Variants in ROBO2 observed in about 807,000 individuals in gnomAD.
ROBO2 encodes roundabout guidance receptor 2.
Under a neutral mutation model 160.8 loss-of-function variants are expected in ROBO2, and 53 were observed. The ratio of observed to expected loss-of-function variants is 0.33; its 90% confidence interval spans 0.26 to 0.41. The LOEUF (loss-of-function observed/expected upper bound fraction) is 0.41, where lower values mean the gene tolerates loss of function less well. ROBO2 is among the 10% of genes least tolerant of loss of function. The pLI is 1.00. For missense variants in ROBO2, 1,577 were observed against 1,722.4 expected (o/e 0.92, Z 1.49); for synonymous variants, 664 against 611.7 (o/e 1.09, Z -1.26).
rs540825837 is a variant in ROBO2, at chr3:77,094,325, C to T, written c.62-3689C>T. ...TATGTTGTAGCATGTATTATTAATA[C>T]TTCATTTTTAAGGCTGAATAATATT... On this transcript the variant is annotated intron_variant, in intron 1 of 25. Transcript: ENST00000461745. 3.9e-5 allele frequency among the ~76,000 whole-genome samples: 6 copies of T among 152,282 alleles called. No individual in the cohort carries two copies. In the South Asian group the frequency reaches 1.2e-3, roughly 32 times the overall value.
intron 2 of ROBO2, among the ~76,000 whole-genome samples, chr3:76,847,970 C>T (rs2068936618): frequency 6.6e-6 from 1 of 151,600 alleles, no homozygotes; most frequent in South Asian, 2.1e-4. Context: ...AATTAAAAAC[C>T]TTTGGGTGAT....
At chr3:76,537,694 A>G (rs1481589761) in intron 2 of ROBO2, among the ~76,000 whole-genome samples, 1 of 152,088 alleles carries the variant, frequency 6.6e-6, no homozygotes, top group Non-Finnish European at 1.5e-5. Flanking sequence ...TCATGTTTGT[A>G]TAGAAGACCA....
intron 1 of ROBO2, among the ~76,000 whole-genome samples, chr3:77,090,651 G>C (rs1166708637): frequency 6.6e-6 from 1 of 151,932 alleles, no homozygotes; most frequent in Non-Finnish European, 1.5e-5. Flanking sequence ...ACAGCGCCCG[G>C]CCTAAACCAC....
At chr3:76,642,890 G>T (rs1179689369) in intron 2 of ROBO2, among the ~76,000 whole-genome samples, 2 of 152,072 alleles carry the variant, frequency 1.3e-5, no homozygotes, top group Non-Finnish European at 2.9e-5. Context: ...AGACTTTTAT[G>T]CTTCATTACT....
intron 2 of ROBO2, among the ~76,000 whole-genome samples, chr3:77,324,653 G>A (rs571401621): frequency 8.2e-6 from 1 of 121,486 alleles, no homozygotes; most frequent in African/African-American, 4.0e-5. Flanking sequence ...AGTGGTGAGC[G>A]CCTGTAGTCC....
At chr3:77,154,464 G>A (rs1229870654) in intron 2 of ROBO2, among the ~76,000 whole-genome samples, 3 of 152,042 alleles carry the variant, frequency 2.0e-5, no homozygotes, top group East Asian at 3.9e-4. Context: ...TGGTTTTGGA[G>A]GTTTTTCAAA....
chr3:77,110,278 A>T (rs760630182), intron 2 of ROBO2, among the ~76,000 whole-genome samples: 8 of 152,276 alleles, frequency 5.3e-5, no homozygotes, highest in Non-Finnish European at 8.8e-5. Flanking sequence ...AAGAAATATG[A>T]TAATAGCAAT....
chr3:77,498,230 G>T (rs2087060451), intron 5 of ROBO2, among the ~76,000 whole-genome samples: 1 of 151,932 alleles, frequency 6.6e-6, no homozygotes, highest in South Asian at 2.1e-4. Context: ...GTGACACTAA[G>T]TTCCTCAATA....
At chr3:76,218,276 C>A (rs1415914077) in intron 2 of ROBO2, among the ~76,000 whole-genome samples, 1 of 152,140 alleles carries the variant, frequency 6.6e-6, no homozygotes, top group Non-Finnish European at 1.5e-5. Flanking sequence ...CCTCTCTCAC[C>A]ACTCCTATTC....
chr3:76,722,306 G>A (rs998759752), intron 2 of ROBO2, among the ~76,000 whole-genome samples: 1 of 152,080 alleles, frequency 6.6e-6, no homozygotes, highest in African/African-American at 2.4e-5. Context: ...ATTTTTAGTA[G>A]AGACAGGGTT....
chr3:76,553,619 C>T (rs555263515), intron 2 of ROBO2, among the ~76,000 whole-genome samples: 77 of 152,202 alleles, frequency 5.1e-4, no homozygotes, highest in African/African-American at 1.8e-3. Context: ...CACTATGGAT[C>T]CTGGAACATT....
At chr3:76,630,129 A>G (rs2089934522) in intron 2 of ROBO2, among the ~76,000 whole-genome samples, 1 of 152,204 alleles carries the variant, frequency 6.6e-6, no homozygotes, top group East Asian at 1.9e-4. Context: ...GAGAGAAAAC[A>G]TTGATTACTG....
At chr3:77,124,493 A>C (rs1369297368) in intron 2 of ROBO2, among the ~76,000 whole-genome samples, 1 of 152,178 alleles carries the variant, frequency 6.6e-6, no homozygotes, top group Non-Finnish European at 1.5e-5. Flanking sequence ...TTCGAAGACC[A>C]TCCAGGAGTC....
Position 76,888,231 on chromosome 3 carries a change from A to G in ROBO2, c.110-209783A>G, listed in dbSNP as rs555767203. 3.9e-5 allele frequency among the ~76,000 whole-genome samples: 6 copies of G among 152,116 alleles called. No individual in the cohort carries two copies. In the East Asian group the frequency reaches 1.2e-3, roughly 30 times the overall value. ...AAAAATATAAAGATTAGCCAGGTGT[A>G]GTGGTGCACGCCTGTAATCCCAGCT... On this transcript the variant is annotated intron_variant, in intron 2 of 26. Coordinates refer to the ROBO2 transcript ENST00000487694.
intron 2 of ROBO2, among the ~76,000 whole-genome samples, chr3:76,243,376 G>A (rs900776169): frequency 6.6e-6 from 1 of 152,202 alleles, no homozygotes; most frequent in Non-Finnish European, 1.5e-5. Flanking sequence ...AGGGGAGGGG[G>A]CAGTAAGGTC....
At chr3:76,788,849 A>C (rs1001841518) in intron 2 of ROBO2, among the ~76,000 whole-genome samples, 1 of 151,590 alleles carries the variant, frequency 6.6e-6, no homozygotes, top group South Asian at 2.1e-4. Flanking sequence ...ATACTAAGAG[A>C]AAGTTTAACA....
chr3:76,262,224 T>C (rs1004639761), intron 2 of ROBO2, among the ~76,000 whole-genome samples: 1 of 152,106 alleles, frequency 6.6e-6, no homozygotes, highest in Non-Finnish European at 1.5e-5. Flanking sequence ...TAATACTTAT[T>C]AAATATTATA....
At chr3:77,370,305 A>C (rs184426071) in intron 2 of ROBO2, among the ~76,000 whole-genome samples, 1 of 152,308 alleles carries the variant, frequency 6.6e-6, no homozygotes, top group African/African-American at 2.4e-5. Context: ...CGGAATTCAC[A>C]TTTTGATACA....
chr3:77,152,243 C>T (rs929765083), intron 2 of ROBO2, among the ~76,000 whole-genome samples: 1 of 151,982 alleles, frequency 6.6e-6, no homozygotes, highest in Admixed American at 6.6e-5. Context: ...CAATGTAAGC[C>T]ATATAAATCA....
Sources: allele counts gnomAD v4.1 joint callset (sites outside exome capture counted in the v4.1 genomes callset), GRCh38; gene constraint gnomAD v4.1.1; transcripts MANE v1.5; gene names NCBI Gene and HGNC (gene_info 2026-07-23, HGNC 2026-07-21).